Variants in TLN2 observed in about 807,000 individuals in gnomAD.
TLN2 encodes talin-2.
Under a neutral mutation model 294.7 loss-of-function variants are expected in TLN2, and 118 were observed. The ratio of observed to expected loss-of-function variants is 0.40; its 90% CI spans 0.34 to 0.47. The LOEUF is 0.47. Among genes scored for constraint, TLN2 ranks in the 20% least tolerant of loss-of-function variants. The pLI, the probability that TLN2 is intolerant of heterozygous loss-of-function variation, is 0.84. For missense variants in TLN2, 3,083 were observed against 3,282.2 expected (o/e 0.94, Z 1.48); for synonymous variants, 1,431 against 1,304.5 (o/e 1.10, Z -2.09).
chr15:62,559,219 C>G (rs1194831698), intron 1 of TLN2, among the ~76,000 whole-genome samples: 1 of 152,182 alleles, frequency 6.6e-6, no homozygotes, highest in Non-Finnish European at 1.5e-5. Flanking sequence ...ATAGCCTCTT[C>G]TGGGGATTGC....
At chr15:62,502,380 A>T (rs2039354486) in intron 1 of TLN2, among the ~76,000 whole-genome samples, 1 of 152,220 alleles carries the variant, frequency 6.6e-6, no homozygotes, top group South Asian at 2.1e-4. Context: ...TTGGAGTTTT[A>T]AAATTTCTAA....
chr15:62,617,033 C>A (rs2048367357), intron 2 of TLN2, among the ~76,000 whole-genome samples: 1 of 151,984 alleles, frequency 6.6e-6, no homozygotes, highest in Non-Finnish European at 1.5e-5. Context: ...GGAGAGACTG[C>A]CATGCAATGC....
chr15:62,726,368 C>T (rs112817891), intron 27 of TLN2, among the ~76,000 whole-genome samples: 85 of 152,278 alleles, frequency 5.6e-4, no homozygotes, highest in African/African-American at 1.9e-3. Context: ...TTTGTACTCT[C>T]GCAGTATACC....
At position 62,839,000 on chromosome 15, in the gene TLN2, A is replaced by G. The variant is rs745436986; in HGVS notation, c.7500+19A>G. ...TGCTCAGGTTTGTAATTAAATCAAG[A>G]ATAGTATTTACTTCCCGAGAGAGGT... is the stretch of plus-strand genomic sequence containing the variant. On this transcript the variant is annotated intron_variant, in intron 58 of 58. Transcript: ENST00000636159. 39 of 1,611,984 alleles carry G rather than the reference A, an allele frequency of 2.4e-5. No individual in the cohort carries two copies. Among genetic ancestry groups the G allele is most frequent in the Non-Finnish European group, 2.1e-5 (25 of 1,179,294 alleles).
intron 25 of TLN2, 61 bp downstream of exon 25, chr15:62,719,941 T>A: frequency 7.8e-7 from 1 of 1,289,034 alleles, no homozygotes; most frequent in Non-Finnish European, 1.1e-6. Context: ...GGGGCTGCCC[T>A]TTAAGGAGAG....
At chr15:62,446,843 A>C (rs2035846302) in intron 1 of TLN2, among the ~76,000 whole-genome samples, 1 of 152,232 alleles carries the variant, frequency 6.6e-6, no homozygotes, top group Non-Finnish European at 1.5e-5. Context: ...GATAATATGT[A>C]AATACACACA....
At chr15:62,667,953 G>C (rs2054918665) in intron 9 of TLN2, among the ~76,000 whole-genome samples, 1 of 152,200 alleles carries the variant, frequency 6.6e-6, no homozygotes, top group Non-Finnish European at 1.5e-5. Context: ...AAGCCACACA[G>C]AGAAATGAAA....
chr15:62,632,309 C>T (rs1354400343), intron 3 of TLN2, among the ~76,000 whole-genome samples: 2 of 152,154 alleles, frequency 1.3e-5, no homozygotes, highest in African/African-American at 4.8e-5. Context: ...TCGAGAAGGC[C>T]CCAGAATAAT....
At chr15:62,721,097 T>C (rs2060120090) in intron 25 of TLN2, among the ~76,000 whole-genome samples, 2 of 152,244 alleles carry the variant, frequency 1.3e-5, no homozygotes, top group Admixed American at 1.3e-4. Flanking sequence ...TGCCCTTGTT[T>C]TCCCTTTTTC....
intron 46 of TLN2, 96 bp from the exon 47 acceptor site, chr15:62,796,031 C>A: frequency 2.0e-6 from 3 of 1,472,778 alleles, no homozygotes; most frequent in Non-Finnish European, 1.8e-6. Context: ...TAAGCTACAT[C>A]AACTCCTAGG....
At chr15:62,403,345 A>T (rs1000263231) in intron 1 of TLN2, among the ~76,000 whole-genome samples, 2 of 151,966 alleles carry the variant, frequency 1.3e-5, no homozygotes, top group African/African-American at 4.8e-5. Flanking sequence ...GAACTGTCAT[A>T]CTCACTGACA....
chr15:62,781,022 C>T (rs1357219646), intron 43 of TLN2, 118 bp from the exon 44 acceptor site: 1 of 720,716 alleles, frequency 1.4e-6, no homozygotes, highest in Admixed American at 2.5e-5. Context: ...TGAGTTGACA[C>T]TGGGCGAAAG....
chr15:62,655,584 A>AGTGCTTTAGCTATAACTTTAG (rs2053118732), intron 7 of TLN2, among the ~76,000 whole-genome samples: 1 of 11,772 alleles, frequency 8.5e-5, no homozygotes, highest in Non-Finnish European at 3.7e-3. Context: ...CATTCATTGT[A>AGTGCTTTAGCTATAACTTTAG]GCACATGTCA....
At chr15:62,429,342 C>T (rs760951544) in intron 1 of TLN2, among the ~76,000 whole-genome samples, 4 of 152,116 alleles carry the variant, frequency 2.6e-5, no homozygotes, top group Non-Finnish European at 4.4e-5. Context: ...AGCCCCTGAA[C>T]CTTTCCCTTT....
chr15:62,391,463 G>A lies in TLN2; in HGVS notation c.-238+778G>A, dbSNP rs191437246. Among the ~76,000 whole-genome samples, 481 of 152,348 alleles carry A rather than the reference G, an allele frequency of 3.2e-3. 3 individuals carry two copies. The highest frequency in any genetic ancestry group is 0.011 in the African/African-American group (471 of 41,582). On this transcript the variant is annotated intron_variant, in intron 1 of 58. Transcript: ENST00000636159. The stretch of plus-strand genomic sequence containing the variant: ...GAAATTTTGCGCCCATTGGAAGCTG[G>A]AGGGACCTGGAGACGAGTATTTCGG...
Position 62,796,245 on chromosome 15 carries a change from C to T in TLN2, c.6002C>T (p.Thr2001Ile). The change falls in exon 47 of 59, where the codon ACA (threonine) becomes ATA (isoleucine). Residue 2001 changes from threonine (T) to isoleucine (I), a missense_variant. By Grantham distance (89) the Thr-to-Ile change is moderately conservative (BLOSUM62 -1). Coordinates refer to ENST00000636159, the MANE Select transcript of TLN2 (RefSeq NM_015059.3). ...ADLDTTIMFATAGTLNAENSE... is the reference protein window; with the variant it reads ...ADLDTTIMFAIAGTLNAENSE... Reference sequence around the variant, plus strand: ...CTGGACACCACCATTATGTTTGCAACAGCGGGGACGCTGAATGCAGAGAAC... The same window carrying T: ...CTGGACACCACCATTATGTTTGCAATAGCGGGGACGCTGAATGCAGAGAAC... The T allele has an allele frequency of 2.5e-6, 4 of 1,614,206 alleles. No homozygotes were observed. The highest frequency in any genetic ancestry group is 2.2e-5 in the East Asian group (1 of 44,878).
At chr15:62,424,302 C>T (rs1348855550) in intron 1 of TLN2, among the ~76,000 whole-genome samples, 2 of 152,142 alleles carry the variant, frequency 1.3e-5, no homozygotes, top group East Asian at 3.9e-4. Context: ...ATGGATGAAG[C>T]TTTTCTTAAG....
At chr15:62,744,482 C>G (rs1467385921) in intron 32 of TLN2, among the ~76,000 whole-genome samples, 3 of 151,048 alleles carry the variant, frequency 2.0e-5, no homozygotes, top group African/African-American at 7.3e-5. Flanking sequence ...CTGGCCACAA[C>G]CTCTGGAGTA....
intron 1 of TLN2, among the ~76,000 whole-genome samples, chr15:62,516,089 A>G (rs2040178472): frequency 6.6e-6 from 1 of 152,180 alleles, no homozygotes; most frequent in African/African-American, 2.4e-5. Context: ...CAATGCAACC[A>G]TCTCTTTTTA....
Sources: gnomAD v4.1 joint callset for allele counts (sites outside exome capture counted in the v4.1 genomes callset) on GRCh38, gnomAD v4.1.1 for gene constraint, MANE v1.5 for transcripts, NCBI Gene and HGNC (gene_info 2026-07-23, HGNC 2026-07-21) for gene names.